The following KCNH7 variants were observed in gnomAD, a reference collection of about 807,000 sequenced individuals.
KCNH7 encodes the protein voltage-gated inwardly rectifying potassium channel KCNH7.
A neutral mutation model predicts 120.8 loss-of-function variants in KCNH7; 49 were observed. That is an observed-to-expected ratio of 0.41 (90% CI 0.32 to 0.51). The LOEUF is 0.51. Ranked by LOEUF, KCNH7 falls within the 20% of genes least tolerant of loss-of-function variation. The probability of loss-of-function intolerance (pLI) is 0.38; values close to 1 mark genes in which losing one functional copy is unlikely to be tolerated. For synonymous variants in KCNH7, 547 were observed against 516.1 expected (o/e 1.06, Z -0.81); for missense variants, 1,097 against 1,446.6 (o/e 0.76, Z 3.92).
chr2:162,815,873 C>T (rs190091655), intron 2 of KCNH7, among the ~76,000 whole-genome samples: 1 of 152,320 alleles, frequency 6.6e-6, no homozygotes, highest in African/African-American at 2.4e-5. Context: ...AGAGATCCAT[C>T]TGACCACATA....
At chr2:162,505,010 G>A (rs1690822884) in intron 5 of KCNH7, among the ~76,000 whole-genome samples, 1 of 151,942 alleles carries the variant, frequency 6.6e-6, no homozygotes, top group South Asian at 2.1e-4. Flanking sequence ...TTTGTAATTT[G>A]AGGATTATTT....
chr2:162,585,459 T>C (rs1693995504), intron 2 of KCNH7, among the ~76,000 whole-genome samples: 1 of 152,112 alleles, frequency 6.6e-6, no homozygotes, highest in African/African-American at 2.4e-5. Context: ...TGTGCAAGTT[T>C]TAAAAATGTA....
intron 2 of KCNH7, among the ~76,000 whole-genome samples, chr2:162,778,569 C>T (rs1441261120): frequency 6.6e-6 from 1 of 152,152 alleles, no homozygotes; most frequent in East Asian, 1.9e-4. Flanking sequence ...TGCACAGAAC[C>T]TGGCACACGG....
intron 6 of KCNH7, among the ~76,000 whole-genome samples, chr2:162,478,076 C>T (rs1462548490): frequency 2.0e-5 from 3 of 152,136 alleles, no homozygotes. Context: ...GAATTTAACT[C>T]AGGTTAAGGA....
At chr2:162,766,805 T>C (rs1207437270) in intron 2 of KCNH7, among the ~76,000 whole-genome samples, 1 of 146,920 alleles carries the variant, frequency 6.8e-6, no homozygotes, top group Non-Finnish European at 1.5e-5. Context: ...CCAGAGAAGA[T>C]TTGATGCTTC....
intron 2 of KCNH7, among the ~76,000 whole-genome samples, chr2:162,627,953 T>C (rs1683617693): frequency 1.3e-5 from 2 of 152,150 alleles, no homozygotes; most frequent in African/African-American, 2.4e-5. Context: ...TTTGTCTTTG[T>C]TGCCCCTACT....
chr2:162,497,367 A>G (rs1690528800), intron 6 of KCNH7, among the ~76,000 whole-genome samples: 1 of 152,126 alleles, frequency 6.6e-6, no homozygotes. Context: ...CCCCCATCCC[A>G]CTATTCTAAT....
intron 8 of KCNH7, among the ~76,000 whole-genome samples, chr2:162,434,898 A>T (rs1688187883): frequency 6.6e-6 from 1 of 152,060 alleles, no homozygotes; most frequent in Non-Finnish European, 1.5e-5. Flanking sequence ...GAAAATAACC[A>T]TTGGTAATAA....
intron 2 of KCNH7, among the ~76,000 whole-genome samples, chr2:162,663,319 T>A (rs1032731871): frequency 3.3e-5 from 5 of 152,206 alleles, no homozygotes; most frequent in Admixed American, 1.3e-4. Context: ...GAGAAAAAAA[T>A]TTTACATTTG....
At chr2:162,537,729 C>T (rs952432) in intron 2 of KCNH7, among the ~76,000 whole-genome samples, 28,865 of 151,888 alleles carry the variant, frequency 0.19, 4,893 homozygotes, top group African/African-American at 0.45. Flanking sequence ...CTCTTCAAGA[C>T]GATATTCTTC....
intron 2 of KCNH7, among the ~76,000 whole-genome samples, chr2:162,783,657 C>T (rs1284637840): frequency 6.6e-6 from 1 of 152,164 alleles, no homozygotes; most frequent in African/African-American, 2.4e-5. Flanking sequence ...TCAGCAAACA[C>T]TCGCTGAAGG....
chr2:162,389,825 T>A (rs542896374), intron 12 of KCNH7, among the ~76,000 whole-genome samples: 1 of 152,166 alleles, frequency 6.6e-6, no homozygotes, highest in African/African-American at 2.4e-5. Context: ...TCTGCTAAAT[T>A]AACTAGAAAA....
chr2:162,429,899 A>C (rs565023362), intron 8 of KCNH7, among the ~76,000 whole-genome samples: 22 of 150,856 alleles, frequency 1.5e-4, no homozygotes, highest in African/African-American at 5.1e-4. Flanking sequence ...GCTTGCCTTC[A>C]TCATCTTTGT....
At chr2:162,643,668 T>C (rs947172586) in intron 2 of KCNH7, among the ~76,000 whole-genome samples, 1 of 151,536 alleles carries the variant, frequency 6.6e-6, no homozygotes, top group Non-Finnish European at 1.5e-5. Flanking sequence ...CAGCCAGGCA[T>C]GGCGGCGCAC....
chr2:162,479,183 T>A (rs1689844708), intron 6 of KCNH7, among the ~76,000 whole-genome samples: 1 of 150,998 alleles, frequency 6.6e-6, no homozygotes, highest in African/African-American at 2.4e-5. Flanking sequence ...TTTTTTTTTT[T>A]TCAAAAAAAG....
intron 2 of KCNH7, among the ~76,000 whole-genome samples, chr2:162,560,038 T>G (rs532226648): frequency 7.2e-5 from 11 of 152,330 alleles, no homozygotes; most frequent in Admixed American, 5.9e-4. Context: ...TTGACCTATA[T>G]GTTTGTCTGT....
intron 7 of KCNH7, among the ~76,000 whole-genome samples, chr2:162,443,934 G>T (rs1238860107): frequency 1.3e-5 from 2 of 152,060 alleles, no homozygotes; most frequent in Non-Finnish European, 2.9e-5. Context: ...CCCCAAATGC[G>T]ACATTTTCAC....
intron 9 of KCNH7, among the ~76,000 whole-genome samples, chr2:162,408,867 C>G (rs922318394): frequency 2.6e-5 from 4 of 151,618 alleles, no homozygotes; most frequent in African/African-American, 9.7e-5. Context: ...AAGAACAATA[C>G]TCGATGATAA....
At chr2:162,798,727 A>T (rs1425185499) in intron 2 of KCNH7, among the ~76,000 whole-genome samples, 1 of 152,084 alleles carries the variant, frequency 6.6e-6, no homozygotes, top group Non-Finnish European at 1.5e-5. Flanking sequence ...ACTGTATCTT[A>T]AAAAGATTGA....
Sources: allele counts gnomAD v4.1 joint callset (sites outside exome capture counted in the v4.1 genomes callset), GRCh38; gene constraint gnomAD v4.1.1; transcripts MANE v1.5; gene names NCBI Gene and HGNC (gene_info 2026-07-23, HGNC 2026-07-21).